The following DENND1A variants were observed in gnomAD, a reference collection of about 807,000 sequenced individuals.
DENND1A encodes DENN domain containing 1A.
In DENND1A, 51 loss-of-function variants were observed where a neutral mutation model predicts 113.7. That is an observed-to-expected ratio of 0.45 (90% confidence interval 0.36 to 0.57). The LOEUF (loss-of-function observed/expected upper bound fraction) is 0.57, where lower values mean the gene tolerates loss of function less well. Ranked by LOEUF, DENND1A falls within the 20% of genes least tolerant of loss-of-function variation. The pLI is 0.00. For missense variants in DENND1A, 1,258 were observed against 1,395.9 expected (o/e 0.90, Z 1.57); for synonymous variants, 565 against 570.8 (o/e 0.99, Z 0.14).
At chr9:123,724,481 A>C (rs2067557230) in intron 5 of DENND1A, among the ~76,000 whole-genome samples, 3 of 151,846 alleles carry the variant, frequency 2.0e-5, no homozygotes, top group African/African-American at 4.9e-5. Context: ...GGGGAGGAGA[A>C]GAGAGAAATA....
intron 13 of DENND1A, among the ~76,000 whole-genome samples, chr9:123,516,384 A>T (rs2053914250): frequency 6.6e-6 from 1 of 152,172 alleles, no homozygotes; most frequent in Non-Finnish European, 1.5e-5. Context: ...AAATAAGACA[A>T]CACTGAGAGC....
At chr9:123,503,523 A>G (rs890641032) in intron 13 of DENND1A, among the ~76,000 whole-genome samples, 3 of 152,208 alleles carry the variant, frequency 2.0e-5, no homozygotes, top group African/African-American at 7.2e-5. Context: ...ATGACTTTAA[A>G]TAGCAGCATC....
chr9:123,580,457 T>C (rs1467030912), intron 12 of DENND1A, among the ~76,000 whole-genome samples: 1 of 152,254 alleles, frequency 6.6e-6, no homozygotes, highest in Non-Finnish European at 1.5e-5. Context: ...TTTGAAGATC[T>C]GCTTTCTCTT....
chr9:123,497,286 C>T (rs529939498), intron 13 of DENND1A, among the ~76,000 whole-genome samples: 1 of 152,214 alleles, frequency 6.6e-6, no homozygotes, highest in South Asian at 2.1e-4. Context: ...CTGAAGCTGA[C>T]AGAGCACGAA....
At chr9:123,436,552 C>T (rs758204806) in intron 19 of DENND1A, among the ~76,000 whole-genome samples, 32 of 152,114 alleles carry the variant, frequency 2.1e-4, no homozygotes, top group Non-Finnish European at 4.4e-4. Flanking sequence ...TAATTTAAAG[C>T]CTCTCTAAAC....
chr9:123,571,460 C>T (rs1384878734), intron 12 of DENND1A, among the ~76,000 whole-genome samples: 1 of 152,248 alleles, frequency 6.6e-6, no homozygotes, highest in East Asian at 1.9e-4. Flanking sequence ...CAGTCAGGCC[C>T]TGCCTCCTCC....
intron 3 of DENND1A, among the ~76,000 whole-genome samples, chr9:123,772,622 G>C (rs555872476): frequency 8.1e-4 from 124 of 152,264 alleles, no homozygotes; most frequent in Non-Finnish European, 1.5e-3. Flanking sequence ...GGCAGGGGGT[G>C]GGGAGGACTG....
intron 13 of DENND1A, among the ~76,000 whole-genome samples, chr9:123,478,177 C>T (rs1223261526): frequency 2.0e-5 from 3 of 152,260 alleles, no homozygotes; most frequent in African/African-American, 4.8e-5. Flanking sequence ...GGACCTGACA[C>T]GGACTGAACC....
chr9:123,682,576 A>G (rs1487144673), intron 5 of DENND1A, among the ~76,000 whole-genome samples: 1 of 152,096 alleles, frequency 6.6e-6, no homozygotes, highest in African/African-American at 2.4e-5. Flanking sequence ...AACAGAACAA[A>G]ACAAAAAAAC....
intron 10 of DENND1A, among the ~76,000 whole-genome samples, chr9:123,610,631 T>A (rs2060375456): frequency 6.6e-6 from 1 of 152,166 alleles, no homozygotes; most frequent in African/African-American, 2.4e-5. Flanking sequence ...TGGGATATAG[T>A]CTATGAAATG....
At chr9:123,517,691 T>G (rs2054056381) in intron 13 of DENND1A, among the ~76,000 whole-genome samples, 1 of 151,392 alleles carries the variant, frequency 6.6e-6, no homozygotes, top group African/African-American at 2.4e-5. Context: ...AAATAAACTG[T>G]GGCACAGTGA....
chr9:123,833,179 A>C (rs1405675063), intron 2 of DENND1A, among the ~76,000 whole-genome samples: 1 of 151,420 alleles, frequency 6.6e-6, no homozygotes. Context: ...CAAAAAGGTA[A>C]TGGTTCTCTA....
chr9:123,553,092 A>C (rs2057204496), intron 13 of DENND1A, among the ~76,000 whole-genome samples: 1 of 152,130 alleles, frequency 6.6e-6, no homozygotes, highest in African/African-American at 2.4e-5. Context: ...TTATCTCTAC[A>C]AAAATTAAAA....
intron 19 of DENND1A, among the ~76,000 whole-genome samples, chr9:123,426,734 C>T (rs544893389): frequency 6.6e-6 from 1 of 152,174 alleles, no homozygotes; most frequent in Non-Finnish European, 1.5e-5. Context: ...CCATAACTTG[C>T]ACCAAAGAAA....
chr9:123,531,554 TACACA>T (rs1240722472), intron 13 of DENND1A, among the ~76,000 whole-genome samples: 47 of 103,192 alleles, frequency 4.6e-4, no homozygotes, highest in African/African-American at 1.7e-3. Context: ...CCTCTCTCTC[TACACA>T]CACACACACA....
At chr9:123,711,512 T>TATATATATATATAC (rs2066610366) in intron 5 of DENND1A, among the ~76,000 whole-genome samples, 1 of 78,268 alleles carries the variant, frequency 1.3e-5, no homozygotes, top group African/African-American at 8.3e-5. Flanking sequence ...TATGTATATA[T>TATATATATATATAC]GTATATATAT....
At chr9:123,730,422 A>G (rs2068073168) in intron 5 of DENND1A, among the ~76,000 whole-genome samples, 1 of 152,208 alleles carries the variant, frequency 6.6e-6, no homozygotes, top group Non-Finnish European at 1.5e-5. Flanking sequence ...AAAAACAAAC[A>G]ACCCCATCAA....
chr9:123,381,878 G>A lies in DENND1A; in HGVS notation c.2767C>T (p.Leu923=), dbSNP rs2042288559. Residue 923 remains leucine, a synonymous_variant, in exon 24 of 24, where the codon CTG becomes TTG. Transcript: ENST00000394215. The surrounding 1 kb of genome is among the most constrained non-coding windows in gnomAD (Gnocchi z 4.7). ...AGGCCGGACGCAAAAGCCGGCCCCA[G>A]GGAAGCTGGAGGGGCCCCGAAAGGC... ...AGPFGAPPAS[L]GPAFASGLLL... 1.4e-6 allele frequency: 2 copies of A among 1,460,132 alleles called. No individual in the cohort carries two copies. The highest frequency in any genetic ancestry group is 1.8e-6 in the Non-Finnish European group (2 of 1,106,268). The allele number at this position is 1,460,132 out of a possible 1,614,324, so 90.4% of individuals were successfully genotyped here.
chr9:123,631,079 A>T (rs1054418409), intron 9 of DENND1A, among the ~76,000 whole-genome samples: 1 of 152,208 alleles, frequency 6.6e-6, no homozygotes, highest in Non-Finnish European at 1.5e-5. Context: ...TAAATGTAGA[A>T]TTCAGAGACA....
Sources: gnomAD v4.1 joint callset for allele counts (sites outside exome capture counted in the v4.1 genomes callset) on GRCh38, gnomAD v4.1.1 for gene constraint, Gnocchi (gnomAD v3.1) non-coding constraint, MANE v1.5 for transcripts, NCBI Gene and HGNC (gene_info 2026-07-23, HGNC 2026-07-21) for gene names.